Variants in TBXAS1 observed in about 807,000 individuals in gnomAD.
TBXAS1 encodes thromboxane A synthase 1.
TBXAS1 carries 48 observed loss-of-function variants against 60.7 expected under a neutral mutation model. The ratio of observed to expected loss-of-function variants is 0.79; its 90% CI spans 0.63 to 1.01. The LOEUF (loss-of-function observed/expected upper bound fraction) is 1.01, where lower values mean the gene tolerates loss of function less well. TBXAS1 is among the 50% of genes least tolerant of loss of function. The pLI, the probability that TBXAS1 is intolerant of heterozygous loss-of-function variation, is 0.00. For synonymous variants in TBXAS1, 287 were observed against 269.7 expected (o/e 1.06, Z -0.63); for missense variants, 685 against 686.3 (o/e 1.00, Z 0.02).
At position 139,962,065 on chromosome 7, in the gene TBXAS1, G is replaced by A; in HGVS notation, c.966G>A (p.Met322Ile). Residue 322 changes from methionine to isoleucine, a missense_variant, in exon 9 of 13, where the codon ATG (methionine) becomes ATA (isoleucine). Coordinates refer to ENST00000448866, the MANE Select transcript of TBXAS1 (RefSeq NM_001061.7). Reference protein sequence around the residue: ...NPSRQHQPSPMARPLTVDEIV... With the variant: ...NPSRQHQPSPIARPLTVDEIV... The stretch of plus-strand genomic sequence containing the variant: ...CCCGGCAACACCAGCCCAGCCCTAT[G>A]GCCAGGCCTTTGACTGTGGATGAGA... The A allele has an allele frequency of 6.2e-7, 1 of 1,614,218 alleles. No homozygotes were observed. The highest frequency in any genetic ancestry group is 8.5e-7 in the Non-Finnish European group (1 of 1,180,044).
At chr7:140,000,151 T>C (rs1464730475) in intron 9 of TBXAS1, among the ~76,000 whole-genome samples, 1 of 152,182 alleles carries the variant, frequency 6.6e-6, no homozygotes, top group Non-Finnish European at 1.5e-5. Context: ...TATCGATAGA[T>C]TGCCCATAGA....
chr7:139,922,204 C>A (rs768968633), intron 4 of TBXAS1, among the ~76,000 whole-genome samples: 1 of 151,260 alleles, frequency 6.6e-6, no homozygotes, highest in Non-Finnish European at 1.5e-5. Flanking sequence ...TGGGTTCAAG[C>A]GATTCTCCTG....
chr7:139,953,584 G>A, intron 6 of TBXAS1, 128 bp downstream of exon 6: 1 of 863,354 alleles, frequency 1.2e-6, no homozygotes, highest in Admixed American at 2.1e-5. Flanking sequence ...ATAAAAGCAT[G>A]GATGGACTGA....
At chr7:139,864,432 T>G (rs547850892) in intron 1 of TBXAS1, among the ~76,000 whole-genome samples, 9 of 152,276 alleles carry the variant, frequency 5.9e-5, no homozygotes, top group Admixed American at 5.9e-4. Flanking sequence ...GTTGGTATGT[T>G]CTAAATTAAT....
intron 4 of TBXAS1, among the ~76,000 whole-genome samples, chr7:139,802,622 T>G (rs754718104): frequency 2.0e-4 from 30 of 152,098 alleles, no homozygotes; most frequent in Non-Finnish European, 3.7e-4. Flanking sequence ...CCATGTCTGC[T>G]GAAAATACAA....
At chr7:139,785,994 A>G (rs1184216350) in intron 3 of TBXAS1, among the ~76,000 whole-genome samples, 1 of 148,004 alleles carries the variant, frequency 6.8e-6, no homozygotes, top group Non-Finnish European at 1.5e-5. Context: ...ATTCTCCCCA[A>G]AGCATATTTT....
chr7:139,879,226 C>A (rs1459343668), intron 3 of TBXAS1, among the ~76,000 whole-genome samples: 2 of 152,186 alleles, frequency 1.3e-5, no homozygotes, highest in Non-Finnish European at 2.9e-5. Context: ...TCATCGAGAA[C>A]AAAATATCTT....
chr7:139,995,207 C>G (rs1218837572), intron 9 of TBXAS1, among the ~76,000 whole-genome samples: 1 of 152,100 alleles, frequency 6.6e-6, no homozygotes, highest in African/African-American at 2.4e-5. Context: ...CTGGCACCAG[C>G]TTTCTAAATT....
chr7:140,006,248 C>T (rs1243676424), intron 9 of TBXAS1, among the ~76,000 whole-genome samples: 1 of 152,190 alleles, frequency 6.6e-6, no homozygotes, highest in Non-Finnish European at 1.5e-5. Flanking sequence ...ACTGGCAGAG[C>T]AGCAAATAAG....
chr7:139,919,077 C>T (rs6952982), intron 4 of TBXAS1, among the ~76,000 whole-genome samples: 23,297 of 151,952 alleles, frequency 0.15, 3,194 homozygotes, highest in African/African-American at 0.37. Context: ...TTTGTACAGC[C>T]AGATAGCAAT....
chr7:139,989,595 G>T (rs56314822), intron 9 of TBXAS1, among the ~76,000 whole-genome samples: 7,400 of 152,244 alleles, frequency 0.049, 254 homozygotes, highest in South Asian at 0.12. Flanking sequence ...CTTTGCAGGG[G>T]CTTCACCCAG....
chr7:139,787,938 A>G (rs1207330505), intron 4 of TBXAS1, among the ~76,000 whole-genome samples: 1 of 152,238 alleles, frequency 6.6e-6, no homozygotes, highest in Non-Finnish European at 1.5e-5. Context: ...CTTTATTGAT[A>G]CAATTTTGAG....
chr7:139,922,291 G>A (rs1039064266), intron 4 of TBXAS1, among the ~76,000 whole-genome samples: 7 of 151,812 alleles, frequency 4.6e-5, no homozygotes, highest in East Asian at 3.9e-4. Flanking sequence ...TAGCAGAGAC[G>A]GAGTTTCTGC....
rs150000840 is a variant in TBXAS1 at position 139,984,239 on chromosome 7, C to T, written c.1134+22006C>T. ...ACTGAGGGCTGGTTAAGTGGAATAACATACTTAGCACATAGCCTGGTACCC... is the reference window on the plus strand; with the variant it reads ...ACTGAGGGCTGGTTAAGTGGAATAATATACTTAGCACATAGCCTGGTACCC... On this transcript the variant is annotated intron_variant, in intron 9 of 12. Coordinates refer to ENST00000448866, the MANE Select transcript of TBXAS1 (RefSeq NM_001061.7). 1.2e-3 allele frequency among the ~76,000 whole-genome samples: 187 copies of T among 152,268 alleles called. 1 individual carries two copies. The highest frequency in any genetic ancestry group is 4.0e-3 in the African/African-American group (167 of 41,558).
chr7:139,927,432 C>T lies in TBXAS1; in HGVS notation c.334-8759C>T, dbSNP rs572970670. On this transcript the variant is annotated intron_variant, in intron 4 of 12. Coordinates refer to ENST00000448866, the MANE Select transcript of TBXAS1 (RefSeq NM_001061.7). ...AACTAATAAAAACTCTACGCTTTAA[C>T]ATAATCTTCCCACTTTTTAACTTTT... Among the ~76,000 whole-genome samples the T allele has an allele frequency of 8.7e-4, 133 of 152,292 alleles. 2 individuals are homozygous for T. The highest frequency in any genetic ancestry group is 2.9e-3 in the African/African-American group (122 of 41,564).
chr7:139,973,993 T>C (rs1023763332), intron 9 of TBXAS1, among the ~76,000 whole-genome samples: 2 of 152,328 alleles, frequency 1.3e-5, no homozygotes, highest in Admixed American at 1.3e-4. Context: ...GAGAATCAAC[T>C]TCCCTCTGGT....
At chr7:139,961,829 C>G (rs754659799) in intron 8 of TBXAS1, 90 bp from the exon 9 acceptor site, 1 of 1,497,808 alleles carries the variant, frequency 6.7e-7, no homozygotes, top group Admixed American at 1.8e-5. Flanking sequence ...AAAAGCTATG[C>G]CCATGTATCT....
At chr7:140,018,672 CA>C (rs1162009179) in intron 12 of TBXAS1, among the ~76,000 whole-genome samples, 1 of 152,210 alleles carries the variant, frequency 6.6e-6, no homozygotes, top group Non-Finnish European at 1.5e-5. Flanking sequence ...TGACTATTCC[CA>C]TTCTTTAGAT....
Position 139,951,957 on chromosome 7 carries a change from A to G in TBXAS1, c.451-1411A>G, listed in dbSNP as rs1181371454. Among the ~76,000 whole-genome samples, 298 of 103,248 alleles carry G rather than the reference A, an allele frequency of 2.9e-3. 14 individuals are homozygous for G. Among genetic ancestry groups the G allele is most frequent in the South Asian group, 5.3e-3 (17 of 3,178 alleles). 67.7% of individuals were successfully genotyped at this position (103,248 alleles called of 152,430 possible). ...AGAAAGAAGGAAAGAAAGAAAAGAA[A>G]GAAAGAAAGAAAGAAAGAAAGAAAG... is the stretch of plus-strand genomic sequence containing the variant. On this transcript the variant is annotated intron_variant, in intron 5 of 12. Transcript: ENST00000448866.
Sources: allele counts gnomAD v4.1 joint callset (sites outside exome capture counted in the v4.1 genomes callset), GRCh38; gene constraint gnomAD v4.1.1; transcripts MANE v1.5; gene names NCBI Gene and HGNC (gene_info 2026-07-23, HGNC 2026-07-21).